The following RIC1 variants were observed in gnomAD, a reference collection of about 807,000 sequenced individuals.
RIC1 encodes guanine nucleotide exchange factor subunit RIC1.
RIC1 carries 88 observed loss-of-function variants against 169.0 expected under a neutral mutation model. The observed-to-expected ratio is 0.52, with a 90% confidence interval of 0.44 to 0.62. The LOEUF is 0.62. Ranked by LOEUF, RIC1 falls within the 20% of genes least tolerant of loss-of-function variation. The probability of loss-of-function intolerance (pLI) is 0.00; values close to 1 mark genes in which losing one functional copy is unlikely to be tolerated. For synonymous variants in RIC1, 790 were observed against 601.5 expected (o/e 1.31, Z -4.59); for missense variants, 1,877 against 1,725.5 (o/e 1.09, Z -1.56).
At chr9:5,722,706 C>T (rs995435682) in intron 6 of RIC1, among the ~76,000 whole-genome samples, 1 of 152,128 alleles carries the variant, frequency 6.6e-6, no homozygotes, top group Admixed American at 6.5e-5. Flanking sequence ...TCCCTCCCCC[C>T]CTCGCCCCAC....
At chr9:5,636,991 A>AT (rs909941057) in intron 1 of RIC1, among the ~76,000 whole-genome samples, 6 of 151,540 alleles carry the variant, frequency 4.0e-5, no homozygotes, top group Admixed American at 6.6e-5. Flanking sequence ...TGGCACAGCA[A>AT]TTTTTTTTTA....
At chr9:5,732,798 A>AT in intron 7 of RIC1, among the ~76,000 whole-genome samples, 1 of 152,256 alleles carries the variant, frequency 6.6e-6, no homozygotes, top group East Asian at 1.9e-4. Context: ...GATTTGGAAG[A>AT]TTTTTTTAAA....
intron 3 of RIC1, among the ~76,000 whole-genome samples, chr9:5,704,930 G>A (rs934661224): frequency 7.9e-5 from 12 of 152,078 alleles, no homozygotes; most frequent in African/African-American, 2.7e-4. Flanking sequence ...TGTTTCCCCT[G>A]TTGAGTGCAC....
intron 12 of RIC1, chr9:5,748,459 T>G (rs1382888149): frequency 6.6e-6 from 1 of 152,648 alleles, no homozygotes; most frequent in Non-Finnish European, 1.5e-5. Context: ...GAACTTAACT[T>G]ACATTAATAA....
rs1827332260 is a variant in RIC1 at position 5,773,049 on chromosome 9, C to A, written c.3952C>A (p.His1318Asn). ...GTTACAGAACATAAAGACAGGGCTC[C>A]ATGCAGTGGACCGATGGGCCTCTAC... ...EMLQNIKTGL[H>N]AVDRWASTDC... is the part of the protein sequence containing the mutation. Residue 1318 changes from histidine to asparagine, a missense_variant, in exon 25 of 26, where the codon CAT becomes AAT. Around this residue, in one of 3 missense-constraint regions of RIC1, gnomAD observed 681 missense variants for 582.0 expected, o/e 1.17. Transcript: ENST00000414202. 1 of 1,613,002 alleles carries A rather than the reference C, an allele frequency of 6.2e-7. No individual in the cohort carries two copies. Among genetic ancestry groups the A allele is most frequent in the South Asian group, 1.1e-5 (1 of 90,920 alleles).
chr9:5,769,553 T>G, intron 22 of RIC1: 1 of 988,374 alleles, frequency 1.0e-6, no homozygotes. Context: ...GCTTATGTTA[T>G]TGTGGGAAGG....
At chr9:5,699,837 AC>A (rs1175361510) in intron 3 of RIC1, among the ~76,000 whole-genome samples, 1 of 152,142 alleles carries the variant, frequency 6.6e-6, no homozygotes, top group African/African-American at 2.4e-5. Flanking sequence ...CCAAGATTAA[AC>A]TTTAAAGCAT....
chr9:5,776,806 A>G (rs978707850), downstream of RIC1, among the ~76,000 whole-genome samples: 1 of 152,204 alleles, frequency 6.6e-6, no homozygotes, highest in South Asian at 2.1e-4. Flanking sequence ...AAGGAATGAC[A>G]GAAAATTATG....
intron 6 of RIC1, among the ~76,000 whole-genome samples, chr9:5,730,002 G>C (rs1007373326): frequency 8.6e-5 from 13 of 151,904 alleles, no homozygotes; most frequent in African/African-American, 2.9e-4. Context: ...GTGTTTATTA[G>C]TATGTAATTA....
intron 6 of RIC1, among the ~76,000 whole-genome samples, chr9:5,728,689 A>G (rs1228473013): frequency 6.6e-6 from 1 of 152,120 alleles, no homozygotes; most frequent in Non-Finnish European, 1.5e-5. Context: ...TCATCTTCTT[A>G]AAGAAATTTC....
At chr9:5,641,604 C>A (rs1265041568) in intron 1 of RIC1, among the ~76,000 whole-genome samples, 1 of 151,854 alleles carries the variant, frequency 6.6e-6, no homozygotes, top group African/African-American at 2.4e-5. Context: ...TCACTGTTTT[C>A]TATTCTTTTT....
At chr9:5,749,712 A>T (rs1025249894) in intron 12 of RIC1, among the ~76,000 whole-genome samples, 1 of 151,494 alleles carries the variant, frequency 6.6e-6, no homozygotes, top group African/African-American at 2.4e-5. Flanking sequence ...CTAAAACAAA[A>T]CAAATACATA....
chr9:5,631,168 G>C (rs1176647003), intron 1 of RIC1, among the ~76,000 whole-genome samples: 1 of 152,156 alleles, frequency 6.6e-6, no homozygotes. Flanking sequence ...CTATTGTTTG[G>C]TTTTGGAGTT....
intron 12 of RIC1, among the ~76,000 whole-genome samples, chr9:5,747,992 T>C (rs1010396922): frequency 6.6e-6 from 1 of 152,182 alleles, no homozygotes; most frequent in Admixed American, 6.5e-5. Context: ...GTTAATACTT[T>C]TATTAGCTAA....
intron 20 of RIC1, 31 bp from the exon 21 acceptor site, chr9:5,765,631 T>A (rs779619148): frequency 7.4e-6 from 12 of 1,613,976 alleles, no homozygotes; most frequent in Non-Finnish European, 8.5e-6. Context: ...CATCTTTCTC[T>A]AATGGTACTG....
In RIC1 at chr9:5,680,477, T is replaced by G. The variant is rs944038057; in HGVS notation, c.253-9482T>G. On this transcript the variant is annotated intron_variant, in intron 2 of 25. Coordinates refer to ENST00000414202, the MANE Select transcript of RIC1 (RefSeq NM_020829.4). ...CTGTGAATCCATCTGGTTCTGGACT[T>G]TTTTTGGTTGGTAAGCTATTAATTA... 1.4e-4 allele frequency among the ~76,000 whole-genome samples: 21 copies of G among 152,140 alleles called. 1 individual carries two copies. Among genetic ancestry groups the G allele is most frequent in the Non-Finnish European group, 2.9e-5 (2 of 68,024 alleles).
At chr9:5,724,046 T>G (rs1213235772) in intron 6 of RIC1, among the ~76,000 whole-genome samples, 3 of 152,158 alleles carry the variant, frequency 2.0e-5, no homozygotes, top group Non-Finnish European at 4.4e-5. Context: ...ATGCAGGCTG[T>G]TTTTTGGTTC....
In RIC1 at chr9:5,723,350, GTCT is replaced by G. The variant is rs574214386; in HGVS notation, c.720+2605_720+2607del. Among the ~76,000 whole-genome samples, 417 of 152,318 alleles carry G rather than the reference GTCT, an allele frequency of 2.7e-3. 1 individual carries two copies. The highest frequency in any genetic ancestry group is 4.5e-3 in the Non-Finnish European group (303 of 68,022). ...TCATGTGTCTGTTGGCTGCATAAAT[GTCT>G]TCTTTTGAGAAGTGTCTGTTCATAG... On this transcript the variant is annotated intron_variant, in intron 6 of 25. Coordinates refer to ENST00000414202, the MANE Select transcript of RIC1 (RefSeq NM_020829.4).
At chr9:5,769,622 G>T (rs987386728) in intron 22 of RIC1, 2 of 422,978 alleles carry the variant, frequency 4.7e-6, no homozygotes, top group Non-Finnish European at 8.1e-6. Flanking sequence ...CATTCCAGGG[G>T]AACAGTAAGG....
Sources: allele counts gnomAD v4.1 joint callset (sites outside exome capture counted in the v4.1 genomes callset), GRCh38; gene constraint gnomAD v4.1.1; regional missense constraint gnomAD v4.1.1; transcripts MANE v1.5; gene names NCBI Gene and HGNC (gene_info 2026-07-23, HGNC 2026-07-21).